The following TPH2 variants were observed in gnomAD, a reference collection of about 807,000 sequenced individuals.
The protein encoded by TPH2 is tryptophan 5-hydroxylase 2.
Under a neutral mutation model 59.1 loss-of-function variants are expected in TPH2, and 27 were observed. That is an observed-to-expected ratio of 0.46 (90% CI 0.34 to 0.63). The LOEUF is 0.63. Among genes scored for constraint, TPH2 ranks in the 30% least tolerant of loss-of-function variants. The pLI, the probability that TPH2 is intolerant of heterozygous loss-of-function variation, is 0.01. For synonymous variants in TPH2, 220 were observed against 210.5 expected (o/e 1.05, Z -0.39); for missense variants, 523 against 588.3 (o/e 0.89, Z 1.15).
chr12:72,008,634 T>A (rs1225679083), intron 8 of TPH2, among the ~76,000 whole-genome samples: 1 of 152,104 alleles, frequency 6.6e-6, no homozygotes, highest in Non-Finnish European at 1.5e-5. Flanking sequence ...AGGAAAGGAA[T>A]CCCCATTTTA....
intron 4 of TPH2, among the ~76,000 whole-genome samples, chr12:71,948,727 G>A (rs1871266582): frequency 1.3e-5 from 2 of 152,194 alleles, no homozygotes; most frequent in South Asian, 2.1e-4. Flanking sequence ...TTGCAGGGCT[G>A]TAGTGGTAGG....
chr12:71,985,125 A>T (rs1267312425), intron 7 of TPH2, among the ~76,000 whole-genome samples: 2 of 152,160 alleles, frequency 1.3e-5, no homozygotes, highest in Admixed American at 1.3e-4. Flanking sequence ...TTGAGTTGTT[A>T]TATTATTATT....
At chr12:71,996,553 CTT>C (rs1872698634) in intron 8 of TPH2, among the ~76,000 whole-genome samples, 2 of 152,164 alleles carry the variant, frequency 1.3e-5, no homozygotes, top group Admixed American at 1.3e-4. Flanking sequence ...TGGTTTCAGT[CTT>C]TGACTCCCTT....
At chr12:71,985,398 C>T (rs1312186330) in intron 7 of TPH2, among the ~76,000 whole-genome samples, 1 of 151,828 alleles carries the variant, frequency 6.6e-6, no homozygotes, top group Non-Finnish European at 1.5e-5. Context: ...GAAAAGGCTA[C>T]TTTCTTTTTT....
At chr12:71,998,891 A>T (rs1232694861) in intron 8 of TPH2, among the ~76,000 whole-genome samples, 1 of 152,222 alleles carries the variant, frequency 6.6e-6, no homozygotes, top group South Asian at 2.1e-4. Flanking sequence ...GAGACAGGCC[A>T]TATTACTCTT....
intron 7 of TPH2, among the ~76,000 whole-genome samples, chr12:71,984,730 T>C (rs2139213712): frequency 6.6e-6 from 1 of 152,332 alleles, no homozygotes; most frequent in African/African-American, 2.4e-5. Context: ...CTGCTCAGGA[T>C]TGCAGTGCAG....
intron 9 of TPH2, among the ~76,000 whole-genome samples, chr12:72,030,639 TC>T (rs1873695085): frequency 6.6e-6 from 1 of 152,162 alleles, no homozygotes; most frequent in South Asian, 2.1e-4. Flanking sequence ...GCTCCTTTTT[TC>T]CTCAAGTGGC....
chr12:72,031,999 C>G lies in TPH2; in HGVS notation c.*304C>G. The G allele has an allele frequency of 7.7e-6, 3 of 391,014 alleles. No homozygotes were observed. Among genetic ancestry groups the G allele is most frequent in the Non-Finnish European group, 9.6e-6 (2 of 207,376 alleles). 24.2% of individuals were successfully genotyped at this position (391,014 alleles called of 1,614,324 possible). ...GTTAAAATTTGTAACAAATAGCCCT[C>G]TTATGAGTCTCATTTATGCCCTTTT... On this transcript the variant is annotated 3_prime_UTR_variant, in exon 11 of 11. Transcript: ENST00000333850.
chr12:71,954,291 T>C (rs373875738), intron 5 of TPH2, among the ~76,000 whole-genome samples: 31 of 152,176 alleles, frequency 2.0e-4, no homozygotes, highest in African/African-American at 6.5e-4. Context: ...CCTGCAGACA[T>C]GAGTGTGGGA....
At chr12:72,017,781 G>A (rs1175422282) in intron 8 of TPH2, among the ~76,000 whole-genome samples, 3 of 152,136 alleles carry the variant, frequency 2.0e-5, no homozygotes, top group African/African-American at 4.8e-5. Flanking sequence ...TTTCTTAAAC[G>A]TTCATGAAGC....
chr12:71,993,444 T>C (rs193025823), intron 7 of TPH2, among the ~76,000 whole-genome samples: 118 of 152,310 alleles, frequency 7.7e-4, no homozygotes, highest in Middle Eastern at 3.4e-3. Flanking sequence ...CAGACAACCA[T>C]AGGGGAATTC....
intron 1 of TPH2, 44 bp from the exon 2 acceptor site, chr12:71,941,540 C>A (rs1871066213): frequency 6.3e-7 from 1 of 1,595,876 alleles, no homozygotes; most frequent in Admixed American, 1.7e-5. Context: ...GATTCTGGAA[C>A]CCTAACTAAT....
chr12:72,002,567 A>G (rs1251940104), intron 8 of TPH2, among the ~76,000 whole-genome samples: 1 of 152,216 alleles, frequency 6.6e-6, no homozygotes, highest in African/African-American at 2.4e-5. Flanking sequence ...AATCTTAGAA[A>G]CAAAACAAAA....
At chr12:71,989,989 T>C (rs1872544763) in intron 7 of TPH2, among the ~76,000 whole-genome samples, 1 of 152,088 alleles carries the variant, frequency 6.6e-6, no homozygotes, top group Admixed American at 6.5e-5. Context: ...ACATGATGTT[T>C]TACAGTGTTA....
At chr12:71,995,929 T>C (rs1468353574) in intron 8 of TPH2, among the ~76,000 whole-genome samples, 1 of 152,232 alleles carries the variant, frequency 6.6e-6, no homozygotes, top group Non-Finnish European at 1.5e-5. Context: ...TAACTTCTGG[T>C]ATAAGGATTG....
chr12:71,949,517 A>G (rs1871286573), intron 4 of TPH2, 71 bp from the exon 5 acceptor site: 2 of 1,306,746 alleles, frequency 1.5e-6, no homozygotes, highest in African/African-American at 2.9e-5. Context: ...CACCACAGTG[A>G]TTTTCTTTTA....
At chr12:71,953,195 A>G (rs1211190781) in intron 5 of TPH2, among the ~76,000 whole-genome samples, 1 of 152,058 alleles carries the variant, frequency 6.6e-6, no homozygotes, top group Non-Finnish European at 1.5e-5. Context: ...AGCTGCCAAA[A>G]TACAGACTGC....
intron 7 of TPH2, among the ~76,000 whole-genome samples, chr12:71,992,332 A>T (rs568853199): frequency 9.9e-4 from 151 of 152,294 alleles, no homozygotes; most frequent in African/African-American, 3.4e-3. Context: ...CTGTAATCCC[A>T]GCACTTTGGG....
intron 1 of TPH2, among the ~76,000 whole-genome samples, chr12:71,940,376 C>T (rs912818863): frequency 6.6e-6 from 1 of 151,978 alleles, no homozygotes; most frequent in East Asian, 1.9e-4. Context: ...ATCTCCATCT[C>T]TATTATATAT....
Sources: gnomAD v4.1 joint callset for allele counts (sites outside exome capture counted in the v4.1 genomes callset) on GRCh38, gnomAD v4.1.1 for gene constraint, MANE v1.5 for transcripts, NCBI Gene and HGNC (gene_info 2026-07-23, HGNC 2026-07-21) for gene names.